Variants in CNTRL observed in about 807,000 individuals in gnomAD.
CNTRL encodes 110 kDa centrosomal protein.
A neutral mutation model predicts 303.7 loss-of-function variants in CNTRL; 233 were observed. That is an observed-to-expected ratio of 0.77 (90% CI 0.69 to 0.86). CNTRL has a LOEUF of 0.86. CNTRL is among the 40% of genes least tolerant of loss of function. The pLI, the probability that CNTRL is intolerant of heterozygous loss-of-function variation, is 0.00. For synonymous variants in CNTRL, 900 were observed against 922.2 expected, an observed-to-expected ratio of 0.98 and a Z score of 0.44; for missense variants, 2,524 against 2,650.6, an observed-to-expected ratio of 0.95 and a Z score of 1.05.
chr9:121,119,237 G>T (rs1445332032), intron 12 of CNTRL, among the ~76,000 whole-genome samples: 1 of 151,108 alleles, frequency 6.6e-6, no homozygotes, highest in Non-Finnish European at 1.5e-5. Flanking sequence ...TCATTGTATT[G>T]CAGAGCAAGG....
Position 121,090,329 on chromosome 9 carries a change from T to C in CNTRL, c.272T>C (p.Leu91Pro), listed in dbSNP as rs1336097955. 6.2e-7 allele frequency: 1 copy of C among 1,612,612 alleles called. No individual in the cohort carries two copies. Among genetic ancestry groups the C allele is most frequent in the East Asian group, 2.2e-5 (1 of 44,744 alleles). The change falls in exon 4 of 44, where the codon CTT becomes CCT. Residue 91 changes from leucine (L) to proline (P), a missense_variant. Coordinates refer to ENST00000373855, the MANE Select transcript of CNTRL (RefSeq NM_007018.6). ...RYITEALIKK[L>P]TKQDNLALIK... is the part of the protein sequence containing the mutation. ...ATTACAGAGGCCCTCATTAAAAAAC[T>C]TACTAAACAGGATAATTTGGCTTTG...
chr9:121,160,676 A>G lies in CNTRL; in HGVS notation c.5089+374A>G, dbSNP rs897333769. 1.3e-4 allele frequency among the ~76,000 whole-genome samples: 20 copies of G among 152,200 alleles called. 1 individual carries two copies. The highest frequency in any genetic ancestry group is 3.6e-4 in the African/African-American group (15 of 41,448). ...AAGTATGTACATCGCAGCAATATTT[A>G]TAATGACAAAATTTGGAAACAGGCT... On this transcript the variant is annotated intron_variant, in intron 32 of 43. Transcript: ENST00000373855.
chr9:121,108,733 A>G lies in CNTRL; in HGVS notation c.1002+738A>G, dbSNP rs78580219. 8.5e-5 allele frequency among the ~76,000 whole-genome samples: 13 copies of G among 152,238 alleles called. No individual in the cohort carries two copies. In the East Asian group the frequency reaches 2.3e-3, roughly 27 times the overall value. On this transcript the variant is annotated intron_variant, in intron 8 of 43. Transcript: ENST00000373855. ...AGGATCACTTGAGGTCAGAAATTCA[A>G]CATCAGCCTGGGCAACATAATGAGA...
chr9:121,094,464 T>C (rs1176474724), intron 4 of CNTRL, among the ~76,000 whole-genome samples: 2 of 152,072 alleles, frequency 1.3e-5, no homozygotes, highest in African/African-American at 4.8e-5. Flanking sequence ...CATAACCTAA[T>C]CACCACATGA....
chr9:121,123,453 C>T (rs2050344596), intron 12 of CNTRL, among the ~76,000 whole-genome samples: 1 of 151,978 alleles, frequency 6.6e-6, no homozygotes, highest in South Asian at 2.1e-4. Flanking sequence ...CAAACAACAA[C>T]CTGGGTGTGG....
intron 16 of CNTRL, among the ~76,000 whole-genome samples, chr9:121,139,631 G>C (rs542963290): frequency 6.6e-6 from 1 of 152,200 alleles, no homozygotes; most frequent in East Asian, 1.9e-4. Context: ...TGTGTATGTT[G>C]GGTCTTACTT....
intron 4 of CNTRL, among the ~76,000 whole-genome samples, chr9:121,093,970 C>G (rs1193964587): frequency 3.9e-5 from 6 of 151,990 alleles, no homozygotes; most frequent in Admixed American, 2.6e-4. Context: ...ATTAACCAGG[C>G]TAGGTGGGAC....
intron 20 of CNTRL, among the ~76,000 whole-genome samples, chr9:121,144,344 G>C (rs573286179): frequency 1.3e-4 from 20 of 152,248 alleles, no homozygotes; most frequent in African/African-American, 4.8e-4. Flanking sequence ...TAAGTGTAAG[G>C]ATGCTTAGGG....
At position 121,134,840 on chromosome 9, in the gene CNTRL, G is replaced by A. The variant is rs564323196; in HGVS notation, c.2026-966G>A. ...AGAGGCTGATCACCTTTCATTTGCTGTTCAAGTTTCCTCTTGAGTGAATTC... is the reference window on the plus strand; with the variant it reads ...AGAGGCTGATCACCTTTCATTTGCTATTCAAGTTTCCTCTTGAGTGAATTC... On this transcript the variant is annotated intron_variant, in intron 14 of 43. Coordinates refer to ENST00000373855, the MANE Select transcript of CNTRL (RefSeq NM_007018.6). 5.3e-5 allele frequency among the ~76,000 whole-genome samples: 8 copies of A among 152,266 alleles called. No homozygotes were observed. The South Asian group carries it at 1.2e-3, about 24-fold the overall frequency.
rs2053392735 is a variant in CNTRL, at chr9:121,173,480, A to C, written c.6655A>C (p.Lys2219Gln). ...FTMNEGPFEE[K>Q]LNFSQVHIMD... ...CATGAATGAGGGACCTTTTGAAGAA[A>C]AACTGAACTTTTCCCAAGTTCACAT... The change falls in exon 41 of 44, where the codon AAA becomes CAA. Residue 2219 changes from lysine to glutamine, a missense_variant. By Grantham distance (53) the Lys-to-Gln change is moderately conservative. Coordinates refer to ENST00000373855, the MANE Select transcript of CNTRL (RefSeq NM_007018.6). The C allele has an allele frequency of 6.2e-7, 1 of 1,613,330 alleles. No homozygotes were observed. The highest frequency in any genetic ancestry group is 8.5e-7 in the Non-Finnish European group (1 of 1,179,936).
intron 19 of CNTRL, among the ~76,000 whole-genome samples, chr9:121,142,642 G>T (rs2051584412): frequency 6.6e-6 from 1 of 152,116 alleles, no homozygotes; most frequent in Non-Finnish European, 1.5e-5. Flanking sequence ...TCTCTTTAAT[G>T]GCTTTTCTCC....
At position 121,122,406 on chromosome 9, in the gene CNTRL, C is replaced by T. The variant is rs192077924; in HGVS notation, c.1651-1525C>T. On this transcript the variant is annotated intron_variant, in intron 12 of 43. Transcript: ENST00000373855. ...CTTTTGTTCATCAGAAATGAAGAGA[C>T]GTTTCTTTCTTGTATTTGGGGTAAG... The T allele has an allele frequency of 1.7e-5, 17 of 984,938 alleles. No homozygotes were observed. In the African/African-American group the frequency reaches 2.6e-4, roughly 15 times the overall value. 61.0% of individuals were successfully genotyped at this position (984,938 alleles called of 1,614,324 possible).
chr9:121,176,160 G>A (rs1475515304), intron 43 of CNTRL, among the ~76,000 whole-genome samples: 1 of 152,192 alleles, frequency 6.6e-6, no homozygotes, highest in Non-Finnish European at 1.5e-5. Context: ...ATCCTTGGAG[G>A]TAGGACTTAT....
chr9:121,126,213 A>G (rs1195585775), intron 14 of CNTRL, among the ~76,000 whole-genome samples: 2 of 152,212 alleles, frequency 1.3e-5, no homozygotes, highest in Non-Finnish European at 2.9e-5. Context: ...AGAATATGAA[A>G]TGGTAGCTAT....
chr9:121,096,415 T>C lies in CNTRL; in HGVS notation c.480-7T>C. On this transcript the variant is annotated splice_polypyrimidine_tract_variant and splice_region_variant and intron_variant, in intron 5 of 43. Transcript: ENST00000373855. ...CACTAAATTTTATTTTATCCTTTGC[T>C]TTCCAGCAAAATTGAAGGCATAGAA... is the stretch of plus-strand genomic sequence containing the variant. 6.6e-7 allele frequency: 1 copy of C among 1,507,374 alleles called. No homozygotes were observed. The highest frequency in any genetic ancestry group is 1.4e-5 in the South Asian group (1 of 71,180). 93.4% of individuals were successfully genotyped at this position (1,507,374 alleles called of 1,614,324 possible). A position where few individuals can be genotyped will look rare whatever the true frequency, so the allele number is the denominator to read the frequency against.
At chr9:121,169,549 G>A in intron 38 of CNTRL, 62 bp from the exon 39 acceptor site, 1 of 1,509,552 alleles carries the variant, frequency 6.6e-7, no homozygotes, top group Non-Finnish European at 9.2e-7. Context: ...CAAGGGAAGG[G>A]GAGCTCTGCC....
At chr9:121,092,057 CG>C in intron 4 of CNTRL, among the ~76,000 whole-genome samples, 1 of 144,238 alleles carries the variant, frequency 6.9e-6, no homozygotes, top group South Asian at 2.2e-4. Context: ...TGAAACACAA[CG>C]GGCAAAATAT....
At chr9:121,093,202 T>C (rs1368199120) in intron 4 of CNTRL, among the ~76,000 whole-genome samples, 5 of 152,170 alleles carry the variant, frequency 3.3e-5, no homozygotes, top group Admixed American at 3.3e-4. Flanking sequence ...GAACAGCTCC[T>C]GGCCCATAAT....
At position 121,173,262 on chromosome 9, in the gene CNTRL, T is replaced by G; in HGVS notation, c.6437T>G (p.Leu2146Trp). The G allele has an allele frequency of 6.2e-7, 1 of 1,610,406 alleles. No homozygotes were observed. The highest frequency in any genetic ancestry group is 2.2e-5 in the East Asian group (1 of 44,786). ...LKKQMANQKD[L>W]ERRQMEISDA... ...GTTTAGATGGCAAACCAAAAAGATT[T>G]GGAGAGAAGACAAATGGAAATCAGT... The change falls in exon 41 of 44, where the codon TTG (leucine) becomes TGG (tryptophan). Residue 2146 changes from leucine (L) to tryptophan (W), a missense_variant. Leu to Trp is a moderately conservative substitution (Grantham distance 61). Coordinates refer to ENST00000373855, the MANE Select transcript of CNTRL (RefSeq NM_007018.6).
Sources: allele counts gnomAD v4.1 joint callset (sites outside exome capture counted in the v4.1 genomes callset), GRCh38; gene constraint gnomAD v4.1.1; transcripts MANE v1.5; gene names NCBI Gene and HGNC (gene_info 2026-07-23, HGNC 2026-07-21).